CSGALNACT1: variants seen among roughly 807,000 people sequenced by gnomAD.
CSGALNACT1 encodes the protein chondroitin sulfate N-acetylgalactosaminyltransferase 1, also known as beta4GalNAcT-1.
A neutral mutation model predicts 51.0 loss-of-function variants in CSGALNACT1; 52 were observed. That is an observed-to-expected ratio of 1.02 (90% confidence interval 0.82 to 1.29). The LOEUF (loss-of-function observed/expected upper bound fraction) is 1.29. Ranked by LOEUF, CSGALNACT1 falls within the 50% of genes most tolerant of loss-of-function variation. The pLI is 0.00. For missense variants in CSGALNACT1, 935 were observed against 679.2 expected (o/e 1.38, Z -4.19); for synonymous variants, 341 against 254.4 (o/e 1.34, Z -3.24).
chr8:19,601,744 G>T (rs967372313), intron 2 of CSGALNACT1, 27 bp downstream of exon 2: 1 of 448,258 alleles, frequency 2.2e-6, no homozygotes, highest in Admixed American at 2.4e-5. Context: ...GCAAAGGTTT[G>T]TTTCTTGAGT....
intron 1 of CSGALNACT1, among the ~76,000 whole-genome samples, chr8:19,749,005 A>G (rs1211865323): frequency 6.6e-6 from 1 of 151,154 alleles, no homozygotes; most frequent in African/African-American, 2.4e-5. Flanking sequence ...AAGTTCACAG[A>G]GTTAAAAAGT....
At chr8:19,534,558 G>A (rs1040247521) in intron 3 of CSGALNACT1, among the ~76,000 whole-genome samples, 2 of 152,132 alleles carry the variant, frequency 1.3e-5, no homozygotes, top group Non-Finnish European at 2.9e-5. Context: ...CACAAGTGGG[G>A]AAAACACACC....
intron 4 of CSGALNACT1, among the ~76,000 whole-genome samples, chr8:19,461,082 G>A (rs974092126): frequency 5.9e-5 from 9 of 152,280 alleles, no homozygotes; most frequent in East Asian, 3.9e-4. Flanking sequence ...TCACCAATGC[G>A]TTGAGTAAAA....
At chr8:19,461,500 G>T (rs1402395247) in intron 4 of CSGALNACT1, among the ~76,000 whole-genome samples, 1 of 150,448 alleles carries the variant, frequency 6.6e-6, no homozygotes, top group Non-Finnish European at 1.5e-5. Flanking sequence ...CCGCACAGCA[G>T]CCACATTCAC....
intron 3 of CSGALNACT1, among the ~76,000 whole-genome samples, chr8:19,506,754 C>T (rs1209263671): frequency 6.6e-6 from 1 of 152,162 alleles, no homozygotes; most frequent in East Asian, 1.9e-4. Context: ...CCCTCCTGCT[C>T]CCACCATATA....
intron 4 of CSGALNACT1, among the ~76,000 whole-genome samples, chr8:19,478,950 C>T (rs1037809680): frequency 6.6e-6 from 1 of 152,030 alleles, no homozygotes; most frequent in African/African-American, 2.4e-5. Flanking sequence ...AAACACCATC[C>T]AACATGCAGA....
At chr8:19,693,701 C>T (rs146450698) in intron 1 of CSGALNACT1, among the ~76,000 whole-genome samples, 2 of 152,162 alleles carry the variant, frequency 1.3e-5, no homozygotes, top group East Asian at 3.9e-4. Context: ...CCAGTTCATC[C>T]AACTGTGCCC....
At chr8:19,418,596 C>T (rs1344411977) in intron 8 of CSGALNACT1, 60 bp downstream of exon 7, 6 of 1,098,126 alleles carry the variant, frequency 5.5e-6, no homozygotes, top group Non-Finnish European at 8.4e-6. Context: ...GTCAGGTACC[C>T]CTGGTAATGA....
At chr8:19,606,404 A>T (rs375724998), upstream of CSGALNACT1, among the ~76,000 whole-genome samples, 36 of 152,350 alleles carry the variant, frequency 2.4e-4, no homozygotes, top group Middle Eastern at 3.4e-3. Flanking sequence ...CTTTCTCAAG[A>T]TATGTCTCAG....
intron 8 of CSGALNACT1, among the ~76,000 whole-genome samples, chr8:19,408,908 T>C (rs1036191951): frequency 6.7e-6 from 1 of 149,024 alleles, no homozygotes; most frequent in African/African-American, 2.5e-5. Context: ...TTGTGATTTT[T>C]GGCACCTCTG....
intron 1 of CSGALNACT1, among the ~76,000 whole-genome samples, chr8:19,744,578 A>AATTT (rs2064530065): frequency 6.6e-6 from 1 of 152,170 alleles, no homozygotes; most frequent in Non-Finnish European, 1.5e-5. Flanking sequence ...ATGAATATAT[A>AATTT]ATTTATTTAT....
In CSGALNACT1 at chr8:19,479,791, G is replaced by A. The variant is rs139478003; in HGVS notation, c.635-21149C>T. On this transcript the variant is annotated intron_variant, in intron 4 of 9. Transcript: ENST00000454498. ...AAAAAAAAAAAAAAGATTCCTCTCC[G>A]TAGATCACACTAATGCCTGTCTTCA... Among the ~76,000 whole-genome samples the A allele has an allele frequency of 3.4e-4, 27 of 79,768 alleles. 1 individual carries two copies. Among genetic ancestry groups the A allele is most frequent in the Admixed American group, 4.9e-4 (3 of 6,114 alleles). 52.3% of individuals were successfully genotyped at this position (79,768 alleles called of 152,430 possible).
At chr8:19,647,008 G>A (rs1404971877) in intron 1 of CSGALNACT1, among the ~76,000 whole-genome samples, 3 of 151,938 alleles carry the variant, frequency 2.0e-5, no homozygotes, top group Admixed American at 6.6e-5. Flanking sequence ...AAAGCTACAC[G>A]GCTGAGTGGC....
At chr8:19,649,831 A>AAAAAAACAAC (rs1589262513) in intron 1 of CSGALNACT1, among the ~76,000 whole-genome samples, 2 of 146,490 alleles carry the variant, frequency 1.4e-5, no homozygotes, top group Admixed American at 7.1e-5. Flanking sequence ...AAAAAAAAAA[A>AAAAAAACAAC]AAAAAAAAAA....
chr8:19,589,917 C>T (rs763655653), intron 3 of CSGALNACT1, among the ~76,000 whole-genome samples: 2 of 152,154 alleles, frequency 1.3e-5, no homozygotes, highest in Non-Finnish European at 2.9e-5. Flanking sequence ...GTAAGAAAAT[C>T]TTATCACATA....
In CSGALNACT1 at chr8:19,696,017, T is replaced by A. The variant is rs541927009; in HGVS notation, c.-297+61833A>T. Among the ~76,000 whole-genome samples the A allele has an allele frequency of 2.2e-4, 33 of 152,334 alleles. No individual in the cohort carries two copies. In the East Asian group the frequency reaches 6.4e-3, roughly 29 times the overall value. ...GGAAAACACTCTGAATATAAATTTT[T>A]AAAAACTTTAAAGACCCAAGACCAG... On this transcript the variant is annotated intron_variant, in intron 1 of 1. Coordinates refer to the CSGALNACT1 transcript ENST00000517494.
At chr8:19,467,815 T>C (rs957942096) in intron 4 of CSGALNACT1, among the ~76,000 whole-genome samples, 1 of 152,002 alleles carries the variant, frequency 6.6e-6, no homozygotes, top group East Asian at 1.9e-4. Context: ...TGAAATCCTG[T>C]CTCCACAAAA....
chr8:19,471,871 A>G (rs996946030), intron 4 of CSGALNACT1, among the ~76,000 whole-genome samples: 1 of 152,190 alleles, frequency 6.6e-6, no homozygotes, highest in African/African-American at 2.4e-5. Context: ...TGTCCTGGAA[A>G]CTGGGCCTCT....
chr8:19,625,394 G>C (rs1237437472), intron 1 of CSGALNACT1, among the ~76,000 whole-genome samples: 1 of 152,198 alleles, frequency 6.6e-6, no homozygotes, highest in Non-Finnish European at 1.5e-5. Flanking sequence ...TATACATGAA[G>C]AAACTGAAGC....
Sources: gnomAD v4.1 joint callset for allele counts (sites outside exome capture counted in the v4.1 genomes callset) on GRCh38, gnomAD v4.1.1 for gene constraint, MANE v1.5 for transcripts, NCBI Gene and HGNC (gene_info 2026-07-23, HGNC 2026-07-21) for gene names.